KCNIP4: variants seen among roughly 807,000 people sequenced by gnomAD.
The protein encoded by KCNIP4 is Kv channel-interacting protein 4.
Under a neutral mutation model 34.0 loss-of-function variants are expected in KCNIP4, and 12 were observed. The ratio of observed to expected loss-of-function variants is 0.35; its 90% CI spans 0.23 to 0.57. KCNIP4 has a LOEUF of 0.57. Ranked by LOEUF, KCNIP4 falls within the 20% of genes least tolerant of loss-of-function variation. KCNIP4 has a pLI of 0.83. For missense variants in KCNIP4, 238 were observed against 311.7 expected (o/e 0.76, Z 1.78); for synonymous variants, 124 against 102.2 (o/e 1.21, Z -1.29).
At chr4:20,869,927 A>G (rs993018428) in intron 2 of KCNIP4, among the ~76,000 whole-genome samples, 17 of 152,116 alleles carry the variant, frequency 1.1e-4, no homozygotes, top group Non-Finnish European at 1.8e-4. Context: ...GGGGAAGAGC[A>G]ATGGAACCTA....
rs552917755 is a variant in KCNIP4 at position 20,743,590 on chromosome 4, C to T, written c.429+6072G>A. Among the ~76,000 whole-genome samples, 763 of 152,238 alleles carry T rather than the reference C, an allele frequency of 5.0e-3. 6 individuals carry two copies. Among genetic ancestry groups the T allele is most frequent in the African/African-American group, 0.017 (699 of 41,550 alleles). On this transcript the variant is annotated intron_variant, in intron 5 of 8. Transcript: ENST00000382152. ...ATATGTAGAAAGCTGAAACTGGATC[C>T]CTTCCTTACACTTTATACAAAAATT...
intron 1 of KCNIP4, among the ~76,000 whole-genome samples, chr4:21,781,648 G>A (rs1477305087): frequency 6.6e-6 from 1 of 151,958 alleles, no homozygotes; most frequent in African/African-American, 2.4e-5. Flanking sequence ...TGGACATCAC[G>A]AAGAATAAAA....
At chr4:20,823,575 T>TC (rs1553901880) in intron 3 of KCNIP4, among the ~76,000 whole-genome samples, 1 of 152,038 alleles carries the variant, frequency 6.6e-6, no homozygotes, top group Non-Finnish European at 1.5e-5. Flanking sequence ...AAGCTTGCTT[T>TC]CTCTCTCTGC....
chr4:21,451,242 C>T (rs1728485560), intron 1 of KCNIP4, among the ~76,000 whole-genome samples: 1 of 151,990 alleles, frequency 6.6e-6, no homozygotes, highest in Non-Finnish European at 1.5e-5. Context: ...GATCTCTTTC[C>T]CATCTGGCAT....
chr4:21,539,338 A>G (rs777393467), intron 1 of KCNIP4, among the ~76,000 whole-genome samples: 30 of 152,104 alleles, frequency 2.0e-4, no homozygotes, highest in Non-Finnish European at 3.2e-4. Flanking sequence ...ATCTTCTCCT[A>G]AACTCCAGGA....
At chr4:21,411,149 G>C (rs1724461079) in intron 1 of KCNIP4, among the ~76,000 whole-genome samples, 1 of 152,192 alleles carries the variant, frequency 6.6e-6, no homozygotes, top group African/African-American at 2.4e-5. Flanking sequence ...TAGGAAGAGA[G>C]GTTCGATTTT....
chr4:20,985,033 G>A (rs1193524072), intron 1 of KCNIP4, among the ~76,000 whole-genome samples: 1 of 152,152 alleles, frequency 6.6e-6, no homozygotes, highest in African/African-American at 2.4e-5. Context: ...GGACCACACT[G>A]GCTGAATCAC....
chr4:21,917,346 A>G (rs1728688802), intron 1 of KCNIP4, among the ~76,000 whole-genome samples: 1 of 152,104 alleles, frequency 6.6e-6, no homozygotes, highest in South Asian at 2.1e-4. Context: ...TATGTTAGCC[A>G]GACTGGTCTC....
chr4:21,438,925 G>A (rs1225160295), intron 1 of KCNIP4, among the ~76,000 whole-genome samples: 1 of 152,272 alleles, frequency 6.6e-6, no homozygotes, highest in African/African-American at 2.4e-5. Context: ...CACTTTGGGA[G>A]GCCGAGGTGG....
intron 1 of KCNIP4, among the ~76,000 whole-genome samples, chr4:21,937,993 T>C (rs897422112): frequency 6.6e-6 from 1 of 152,132 alleles, no homozygotes; most frequent in Non-Finnish European, 1.5e-5. Flanking sequence ...GTGACTACTG[T>C]CCAGCTTCCC....
chr4:21,118,357 CCAACTCAGGAT>C (rs1749864549), intron 1 of KCNIP4, among the ~76,000 whole-genome samples: 1 of 152,148 alleles, frequency 6.6e-6, no homozygotes, highest in Admixed American at 6.6e-5. Context: ...TGCCTTGCTT[CCAACTCAGGAT>C]CAACCAAAGA....
At chr4:20,905,509 C>CTTTTTTTTTTTTTTTTTTTTTTTTT (rs10686415) in intron 1 of KCNIP4, among the ~76,000 whole-genome samples, 25 of 72,792 alleles carry the variant, frequency 3.4e-4, no homozygotes, top group Non-Finnish European at 4.1e-4. Context: ...CGTTTTCTTT[C>CTTTTTTTTTTTTTTTTTTTTTTTTT]TTTTTTTTTT....
intron 1 of KCNIP4, among the ~76,000 whole-genome samples, chr4:21,687,607 A>T (rs1750915112): frequency 6.6e-6 from 1 of 152,130 alleles, no homozygotes; most frequent in African/African-American, 2.4e-5. Context: ...GGTAGTGGTA[A>T]TTTTTATGGA....
chr4:21,621,288 C>T (rs986820158), intron 1 of KCNIP4, among the ~76,000 whole-genome samples: 2 of 152,176 alleles, frequency 1.3e-5, no homozygotes, highest in Non-Finnish European at 2.9e-5. Flanking sequence ...CTAGATCTCT[C>T]CAGTTGAAAC....
intron 1 of KCNIP4, among the ~76,000 whole-genome samples, chr4:21,412,499 G>A (rs1455820218): frequency 6.6e-6 from 1 of 152,312 alleles, no homozygotes; most frequent in Non-Finnish European, 1.5e-5. Flanking sequence ...TTGGTTAATT[G>A]ACTTGACTGT....
intron 1 of KCNIP4, among the ~76,000 whole-genome samples, chr4:21,051,504 G>C (rs1006932995): frequency 6.6e-6 from 1 of 152,168 alleles, no homozygotes; most frequent in African/African-American, 2.4e-5. Context: ...ATTGTAAAAA[G>C]AAATGGAACT....
intron 1 of KCNIP4, among the ~76,000 whole-genome samples, chr4:21,320,868 G>A (rs532361544): frequency 6.6e-6 from 1 of 151,098 alleles, no homozygotes; most frequent in South Asian, 2.1e-4. Context: ...CTACTCTGAA[G>A]GCTGAGGCAG....
At chr4:21,309,987 T>C (rs769728102) in intron 1 of KCNIP4, among the ~76,000 whole-genome samples, 1 of 152,170 alleles carries the variant, frequency 6.6e-6, no homozygotes, top group Non-Finnish European at 1.5e-5. Context: ...GGAAAGGCAA[T>C]GTATATTACA....
rs1302746518 is a variant in KCNIP4, at chr4:20,735,527, TTTG to T, written c.430-795_430-793del. ...ATTAAATTCATTTAGTGTTTTTTTT[TTTG>T]TTTTTTTTTTTTTTTTTGAGATGGA... On this transcript the variant is annotated intron_variant, in intron 5 of 8. Transcript: ENST00000382152. Among the ~76,000 whole-genome samples, 249 of 124,072 alleles carry T rather than the reference TTTG, an allele frequency of 2.0e-3. 2 individuals carry two copies. In the South Asian group the frequency reaches 0.03, roughly 15 times the overall value. 81.4% of individuals were successfully genotyped at this position (124,072 alleles called of 152,430 possible).
Sources: allele counts gnomAD v4.1 joint callset (sites outside exome capture counted in the v4.1 genomes callset), GRCh38; gene constraint gnomAD v4.1.1; transcripts MANE v1.5; gene names NCBI Gene and HGNC (gene_info 2026-07-23, HGNC 2026-07-21).